Variants in COL1A1 observed in about 807,000 individuals in gnomAD.
COL1A1 encodes the protein collagen alpha-1(I) chain.
In COL1A1, 21 loss-of-function variants were observed where a neutral mutation model predicts 195.7. The ratio of observed to expected loss-of-function variants is 0.11; its 90% CI spans 0.08 to 0.15. The LOEUF (loss-of-function observed/expected upper bound fraction) is 0.15. COL1A1 is among the 10% of genes least tolerant of loss of function. The probability of loss-of-function intolerance (pLI) is 1.00; values close to 1 mark genes in which losing one functional copy is unlikely to be tolerated. For missense variants in COL1A1, 1,365 were observed against 2,051.0 expected (o/e 0.67, Z 6.46); for synonymous variants, 749 against 747.3 (o/e 1.00, Z -0.04).
At position 50,189,034 on chromosome 17, in the gene COL1A1, C is replaced by T. The variant is rs1213802716; in HGVS notation, c.2938-24G>A. The T allele has an allele frequency of 1.2e-5, 19 of 1,602,324 alleles. No homozygotes were observed. The highest frequency in any genetic ancestry group is 2.2e-5 in the East Asian group (1 of 44,738). The stretch of plus-strand genomic sequence containing the variant: ...CCCTAAGGGAGAAGAAAGAGTCAGG[C>T]CAGAGATAGGGTCTGGGAGGACCCT... On this transcript the variant is annotated intron_variant, in intron 40 of 50. Transcript: ENST00000225964. This position sits in a 1 kb window ranked among gnomAD's most constrained non-coding sequence, Gnocchi z 5.5.
chr17:50,187,802 G>C, intron 45 of COL1A1, 74 bp downstream of exon 45: 1 of 1,363,838 alleles, frequency 7.3e-7, no homozygotes. Flanking sequence ...ATCCAGAGGG[G>C]GAAACTGAGG....
chr17:50,192,736 C>T (rs573943247), intron 27 of COL1A1, 43 bp from the exon 28 acceptor site: 75 of 1,613,912 alleles, frequency 4.6e-5, no homozygotes, highest in East Asian at 6.7e-5. Context: ...GCCGAGGAGA[C>T]GAGGGGCTGA....
At chr17:50,193,897 G>T in intron 25 of COL1A1, 46 bp downstream of exon 25, 1 of 1,546,698 alleles carries the variant, frequency 6.5e-7, no homozygotes, top group Non-Finnish European at 8.9e-7. Flanking sequence ...TCAAGTCTCA[G>T]GTGTGTTTGT....
In COL1A1 at chr17:50,186,278, C is replaced by G. The variant is rs374789134; in HGVS notation, c.4005+39G>C. 2.3e-5 allele frequency: 37 copies of G among 1,612,454 alleles called. No individual in the cohort carries two copies. In the African/African-American group the frequency reaches 4.4e-4, roughly 19 times the overall value. The stretch of plus-strand genomic sequence containing the variant: ...TGTCCCTTCTGAGCACTGGGCTAGC[C>G]CATCTCCTAACACTGGCTCTGAGGT... On this transcript the variant is annotated intron_variant, in intron 49 of 50. Coordinates refer to ENST00000225964, the MANE Select transcript of COL1A1 (RefSeq NM_000088.4). The surrounding 1 kb of genome is among the most constrained non-coding windows in gnomAD (Gnocchi z 5.3).
Position 50,198,421 on chromosome 17 carries a change from C to G in COL1A1, c.543+12G>C. The G allele has an allele frequency of 1.2e-6, 2 of 1,612,666 alleles. No individual in the cohort carries two copies. ...CTCTCTTCTGTCATCCATGCTCCCC[C>G]TGCTGGCTCACCATGGGGCCAGGCA... On this transcript the variant is annotated intron_variant, in intron 6 of 50. Transcript: ENST00000225964.
chr17:50,196,891 G>T, intron 11 of COL1A1, 119 bp downstream of exon 11: 2 of 1,247,940 alleles, frequency 1.6e-6, no homozygotes, highest in African/African-American at 1.5e-5. Context: ...TCTGTCCCTT[G>T]GGACTTCTGT....
At position 50,195,150 on chromosome 17, in the gene COL1A1, G is replaced by T; in HGVS notation, c.1300-50C>A. On this transcript the variant is annotated intron_variant, in intron 19 of 50. Transcript: ENST00000225964. The surrounding 1 kb of genome is among the most constrained non-coding windows in gnomAD (Gnocchi z 4.3). ...GCTGAGAGTCGGGGGCGCTCAGTTGGCCTGCGTCTTCCTGCTCCCCAGATG... is the reference window on the plus strand; with the variant it reads ...GCTGAGAGTCGGGGGCGCTCAGTTGTCCTGCGTCTTCCTGCTCCCCAGATG... 6.2e-7 allele frequency: 1 copy of T among 1,607,692 alleles called. No individual in the cohort carries two copies. The highest frequency in any genetic ancestry group is 8.5e-7 in the Non-Finnish European group (1 of 1,174,494).
At chr17:50,196,824 C>T (rs1907633102) in intron 11 of COL1A1, among the ~76,000 whole-genome samples, 154 bp from the exon 12 acceptor site, 2 of 152,188 alleles carry the variant, frequency 1.3e-5, no homozygotes, top group Admixed American at 6.5e-5. Flanking sequence ...AGATCTCACC[C>T]AATCGTTTAA....
intron 1 of COL1A1, among the ~76,000 whole-genome samples, chr17:50,200,590 C>T (rs1907997792): frequency 6.6e-6 from 1 of 152,234 alleles, no homozygotes; most frequent in Non-Finnish European, 1.5e-5. Context: ...TCACTTTTAG[C>T]CAAAGAACCA....
intron 29 of COL1A1, 186 bp downstream of exon 29, chr17:50,192,289 G>C (rs1469381012): frequency 1.3e-6 from 1 of 762,602 alleles, no homozygotes; most frequent in East Asian, 2.7e-5. Context: ...CTTAAAAGAA[G>C]TCACCCAGAC....
intron 14 of COL1A1, 21 bp downstream of exon 14, chr17:50,196,293 C>T: frequency 6.2e-7 from 1 of 1,607,706 alleles, no homozygotes. Flanking sequence ...AGGGATCCCC[C>T]AAGGGGCCAG....
chr17:50,189,250 T>G lies in COL1A1; in HGVS notation c.2855A>C (p.Gln952Pro). 1.9e-6 allele frequency: 3 copies of G among 1,613,660 alleles called. No homozygotes were observed. Among genetic ancestry groups the G allele is most frequent in the Non-Finnish European group, 2.5e-6 (3 of 1,179,896 alleles). ...PAGAPGTPGP[Q>P]GIAGQRGVVG... ...CACACCACGCTGTCCAGCAATACCT[T>G]GAGGCCCGGGAGTACCAGGAGCACC... The change falls in exon 40 of 51, where the codon CAA (glutamine) becomes CCA (proline). Residue 952 changes from glutamine (Q) to proline (P), a missense_variant. By Grantham distance (76) the Gln-to-Pro change is moderately conservative. Around this residue, in one of 5 missense-constraint regions of COL1A1, gnomAD observed 671 missense variants for 1,099.9 expected, o/e 0.61. Transcript: ENST00000225964. The surrounding 1 kb of genome is among the most constrained non-coding windows in gnomAD (Gnocchi z 5.5).
Position 50,199,324 on chromosome 17 carries a change from G to T in COL1A1, c.373C>A (p.Pro125Thr). 1 of 1,561,778 alleles carries T rather than the reference G, an allele frequency of 6.4e-7. No homozygotes were observed. ...CCATCTCGGCCAGGGGGGCCTGCGG[G>T]TCCCTGCAGGGGGAGAGGGCGGGGC... ...GDTGPRGPRG[P>T]AGPPGRDGIP... is the part of the protein sequence containing the mutation. The change falls in exon 5 of 51, where the codon CCC becomes ACC. Residue 125 changes from proline to threonine, a missense_variant. Around this residue, in one of 5 missense-constraint regions of COL1A1, gnomAD observed 194 missense variants for 221.7 expected, o/e 0.88. Coordinates refer to ENST00000225964, the MANE Select transcript of COL1A1 (RefSeq NM_000088.4).
chr17:50,196,233 C>T, intron 14 of COL1A1, 34 bp from the exon 15 acceptor site: 2 of 1,613,802 alleles, frequency 1.2e-6, no homozygotes, highest in Non-Finnish European at 1.7e-6. Context: ...GTTAAGTCCA[C>T]TGAGCACTGG....
rs528349466 is a variant in COL1A1, at chr17:50,186,313, G to A, written c.4005+4C>T. On this transcript the variant is annotated splice_donor_region_variant and intron_variant, in intron 49 of 50. Transcript: ENST00000225964. The surrounding 1 kb of genome is among the most constrained non-coding windows in gnomAD (Gnocchi z 5.3). ...ACACTGGCTCTGAGGTCCAGCTCAC[G>A]CACCTGGAATCCATCGGTCATGCTC... 4.3e-6 allele frequency: 7 copies of A among 1,614,024 alleles called. No homozygotes were observed. The highest frequency in any genetic ancestry group is 1.3e-5 in the African/African-American group (1 of 75,036).
Position 50,192,985 on chromosome 17 carries a change from G to C in COL1A1, c.1821+9C>G, listed in dbSNP as rs762333670. 6.2e-7 allele frequency: 1 copy of C among 1,614,098 alleles called. No individual in the cohort carries two copies. The highest frequency in any genetic ancestry group is 8.5e-7 in the Non-Finnish European group (1 of 1,179,996). ...GGGAAGGAGGTAGGGATGGAAAGGA[G>C]ATACTTACGACAGCGCCAGGGGGTC... On this transcript the variant is annotated intron_variant, in intron 26 of 50. Coordinates refer to ENST00000225964, the MANE Select transcript of COL1A1 (RefSeq NM_000088.4).
rs899423835 is a variant in COL1A1, at chr17:50,194,430, A to C, written c.1533T>G (p.Arg511=). 9 of 1,613,540 alleles carry C rather than the reference A, an allele frequency of 5.6e-6. No homozygotes were observed. Among genetic ancestry groups the C allele is most frequent in the Non-Finnish European group, 4.2e-6 (5 of 1,179,832 alleles). Residue 511 remains arginine (R), a synonymous_variant, in exon 23 of 51, where the codon CGT becomes CGG. Transcript: ENST00000225964. This position sits in a 1 kb window ranked among gnomAD's most constrained non-coding sequence, Gnocchi z 6.8. ...VAGPKGPAGE[R]GSPGPAGPKG... is the part of the protein sequence containing the mutation. ...TGGGGCCAGCAGGGCCAGGAGAACC[A>C]CGTTCACCAGCGGGACCCTGGTTGG...
At chr17:50,185,695 T>A in intron 50 of COL1A1, 47 bp from the exon 51 acceptor site, 1 of 1,611,232 alleles carries the variant, frequency 6.2e-7, no homozygotes, top group African/African-American at 1.3e-5. Context: ...CACGTGGGAG[T>A]GATGGAGAGA....
rs1906698829 is a variant in COL1A1, at chr17:50,187,915, G to A, written c.3330C>T (p.His1110=). 1 of 1,612,726 alleles carries A rather than the reference G, an allele frequency of 6.2e-7. No homozygotes were observed. Among genetic ancestry groups the A allele is most frequent in the African/African-American group, 1.3e-5 (1 of 74,914 alleles). The change falls in exon 45 of 51, where the codon CAC becomes CAT. Residue 1110 remains histidine (H), a synonymous_variant. Transcript: ENST00000225964. ...GACCCTGGAGGCCAGAGAAGCCACG[G>A]TGACCCTTTATGCCTCTGTCGCCCT... ...GEQGDRGIKG[H]RGFSGLQGPP...
Sources: allele counts gnomAD v4.1 joint callset (sites outside exome capture counted in the v4.1 genomes callset), GRCh38; gene constraint gnomAD v4.1.1; regional missense constraint gnomAD v4.1.1; non-coding constraint Gnocchi (gnomAD v3.1); transcripts MANE v1.5; gene names NCBI Gene and HGNC (gene_info 2026-07-23, HGNC 2026-07-21).